Variants in PTPRT observed in about 807,000 individuals in gnomAD.
The protein encoded by PTPRT is receptor-type tyrosine-protein phosphatase T.
PTPRT carries 56 observed loss-of-function variants against 176.8 expected under a neutral mutation model. The observed-to-expected ratio is 0.32, with a 90% CI of 0.26 to 0.40. The LOEUF (loss-of-function observed/expected upper bound fraction) is 0.40. Among genes scored for constraint, PTPRT ranks in the 10% least tolerant of loss-of-function variants. The pLI is 1.00. For missense variants in PTPRT, 1,540 were observed against 1,908.2 expected, an observed-to-expected ratio of 0.81 and a Z score of 3.60; for synonymous variants, 783 against 739.0, an observed-to-expected ratio of 1.06 and a Z score of -0.96.
At chr20:42,330,260 C>G (rs927234983) in intron 11 of PTPRT, among the ~76,000 whole-genome samples, 6 of 152,078 alleles carry the variant, frequency 3.9e-5, no homozygotes, top group Admixed American at 3.9e-4. Context: ...CACCTGAGAT[C>G]GGGAGTTCAA....
At chr20:42,724,339 A>G (rs2076346360) in intron 6 of PTPRT, among the ~76,000 whole-genome samples, 1 of 152,200 alleles carries the variant, frequency 6.6e-6, no homozygotes, top group Non-Finnish European at 1.5e-5. Context: ...CTGGAGGCCC[A>G]AATCTATTCA....
At chr20:42,220,095 A>G (rs2055852646) in intron 15 of PTPRT, among the ~76,000 whole-genome samples, 1 of 151,942 alleles carries the variant, frequency 6.6e-6, no homozygotes, top group Non-Finnish European at 1.5e-5. Flanking sequence ...TGTATTTATA[A>G]TGAACAATTA....
At chr20:42,463,227 T>C (rs2071049989) in intron 8 of PTPRT, among the ~76,000 whole-genome samples, 1 of 152,150 alleles carries the variant, frequency 6.6e-6, no homozygotes, top group South Asian at 2.1e-4. Context: ...AAAAATTCCT[T>C]TTTTTGTCTT....
chr20:42,620,226 G>T (rs538787715), intron 7 of PTPRT, among the ~76,000 whole-genome samples: 2 of 147,370 alleles, frequency 1.4e-5, no homozygotes, highest in South Asian at 2.2e-4. Context: ...TGCCCCTGCT[G>T]GGGGGTGCCT....
Position 43,189,701 on chromosome 20 carries a change from C to G in PTPRT, c.33G>C (p.Leu11=). 7.6e-7 allele frequency: 1 copy of G among 1,315,326 alleles called. No homozygotes were observed. Among genetic ancestry groups the G allele is most frequent in the South Asian group, 2.0e-5 (1 of 49,204 alleles). The allele number at this position is 1,315,326 out of a possible 1,614,324, so 81.5% of individuals were successfully genotyped here. MASLAALALS[L]LLRLQLPPLP... Reference sequence around the variant, plus strand: ...GTGGCGGCAGCTGCAGCCTCAGGAGCAGGCTGAGGGCGAGCGCGGCGAGGC... The same window carrying G: ...GTGGCGGCAGCTGCAGCCTCAGGAGGAGGCTGAGGGCGAGCGCGGCGAGGC... Residue 11 remains leucine, a synonymous_variant, in exon 1 of 31, where the codon CTG becomes CTC. Transcript: ENST00000373187. This position sits in a 1 kb window ranked among gnomAD's most constrained non-coding sequence, Gnocchi z 5.0.
At chr20:42,108,708 G>GAGAA (rs1394048594) in intron 23 of PTPRT, among the ~76,000 whole-genome samples, 16 of 152,110 alleles carry the variant, frequency 1.1e-4, no homozygotes, top group Non-Finnish European at 1.9e-4. Context: ...TGGGGAGGGG[G>GAGAA]AGAAAGAAAA....
At chr20:42,488,256 A>G (rs1459446094) in intron 7 of PTPRT, among the ~76,000 whole-genome samples, 1 of 152,168 alleles carries the variant, frequency 6.6e-6, no homozygotes, top group Admixed American at 6.5e-5. Context: ...TGTGGTCTAC[A>G]TTCCTAGGGG....
At chr20:42,327,543 C>T (rs67017467) in intron 11 of PTPRT, among the ~76,000 whole-genome samples, 3,903 of 151,822 alleles carry the variant, frequency 0.026, 158 homozygotes, top group African/African-American at 0.088. Context: ...GGTTTTGAAG[C>T]GTCATGGTCA....
chr20:43,146,997 C>T (rs189421528), intron 1 of PTPRT, among the ~76,000 whole-genome samples: 10 of 152,226 alleles, frequency 6.6e-5, no homozygotes, highest in African/African-American at 1.2e-4. Context: ...CCATCTCACT[C>T]GCCCAACCTG....
At chr20:42,539,201 C>T (rs563850693) in intron 7 of PTPRT, among the ~76,000 whole-genome samples, 1 of 152,146 alleles carries the variant, frequency 6.6e-6, no homozygotes, top group East Asian at 1.9e-4. Context: ...CCAGACTAGG[C>T]GTGGGGCTGA....
At chr20:42,423,134 T>C (rs886137461) in intron 9 of PTPRT, among the ~76,000 whole-genome samples, 1 of 128,486 alleles carries the variant, frequency 7.8e-6, no homozygotes, top group Admixed American at 9.5e-5. Context: ...ATCTACACAA[T>C]TAGCTCCCAT....
At chr20:42,816,350 G>T (rs1353716576) in intron 2 of PTPRT, among the ~76,000 whole-genome samples, 1 of 152,182 alleles carries the variant, frequency 6.6e-6, no homozygotes, top group Non-Finnish European at 1.5e-5. Context: ...TATAATCCTA[G>T]CACACGGTTT....
At chr20:42,311,343 T>C (rs1387325461) in intron 12 of PTPRT, among the ~76,000 whole-genome samples, 1 of 152,188 alleles carries the variant, frequency 6.6e-6, no homozygotes, top group Non-Finnish European at 1.5e-5. Context: ...CTAGGCAGTC[T>C]GATAGTAAAG....
intron 1 of PTPRT, among the ~76,000 whole-genome samples, chr20:43,063,051 C>G (rs906871457): frequency 6.6e-6 from 1 of 151,996 alleles, no homozygotes; most frequent in Non-Finnish European, 1.5e-5. Context: ...AACTGTTCAG[C>G]TCTATTTAGG....
intron 6 of PTPRT, among the ~76,000 whole-genome samples, chr20:42,722,252 A>T (rs889864120): frequency 6.6e-6 from 1 of 152,130 alleles, no homozygotes; most frequent in Admixed American, 6.5e-5. Flanking sequence ...CTCCAAGGTG[A>T]TGCCAATCCT....
intron 1 of PTPRT, among the ~76,000 whole-genome samples, chr20:43,026,505 C>T (rs1985919429): frequency 6.6e-6 from 1 of 152,156 alleles, no homozygotes; most frequent in Non-Finnish European, 1.5e-5. Context: ...TTGATACAGG[C>T]ATGCAATGCA....
chr20:42,921,307 G>A (rs756693348), intron 1 of PTPRT, among the ~76,000 whole-genome samples: 1 of 152,162 alleles, frequency 6.6e-6, no homozygotes, highest in Admixed American at 6.5e-5. Flanking sequence ...ATCACTTGAG[G>A]CCAGGAGTCC....
intron 6 of PTPRT, among the ~76,000 whole-genome samples, chr20:42,697,247 TGAA>T (rs2075894452): frequency 6.6e-6 from 1 of 152,224 alleles, no homozygotes; most frequent in East Asian, 1.9e-4. Flanking sequence ...AAGATGTGGC[TGAA>T]TCTGTTTCAG....
At chr20:42,815,197 A>G (rs1342483219) in intron 2 of PTPRT, among the ~76,000 whole-genome samples, 1 of 152,218 alleles carries the variant, frequency 6.6e-6, no homozygotes, top group Non-Finnish European at 1.5e-5. Flanking sequence ...GACCAAGCAG[A>G]CATAGCACGT....
Sources: allele counts gnomAD v4.1 joint callset (sites outside exome capture counted in the v4.1 genomes callset), GRCh38; gene constraint gnomAD v4.1.1; non-coding constraint Gnocchi (gnomAD v3.1); transcripts MANE v1.5; gene names NCBI Gene and HGNC (gene_info 2026-07-23, HGNC 2026-07-21).